The following KCNH5 variants were observed in gnomAD, a reference collection of about 807,000 sequenced individuals.
The protein encoded by KCNH5 is potassium voltage-gated channel subfamily H member 5, also known as voltage-gated delayed rectifier potassium channel KCNH5.
Under a neutral mutation model 96.1 loss-of-function variants are expected in KCNH5, and 46 were observed. The observed-to-expected ratio is 0.48, with a 90% CI of 0.38 to 0.61. KCNH5 has a LOEUF of 0.61. Among genes scored for constraint, KCNH5 ranks in the 20% least tolerant of loss-of-function variants. The pLI is 0.00. For synonymous variants in KCNH5, 439 were observed against 449.8 expected (o/e 0.98, Z 0.30); for missense variants, 907 against 1,225.8 (o/e 0.74, Z 3.88).
chr14:62,752,540 T>A (rs1023108031), intron 10 of KCNH5, among the ~76,000 whole-genome samples: 1 of 152,018 alleles, frequency 6.6e-6, no homozygotes, highest in South Asian at 2.1e-4. Context: ...TGAAGAAACC[T>A]TGGGCCTTAA....
At chr14:63,008,161 A>G (rs1891160603) in intron 2 of KCNH5, among the ~76,000 whole-genome samples, 1 of 152,156 alleles carries the variant, frequency 6.6e-6, no homozygotes, top group Non-Finnish European at 1.5e-5. Context: ...TTCAGTTTTC[A>G]AAGAGTTCAC....
At chr14:62,807,618 A>C (rs1053044635) in intron 8 of KCNH5, among the ~76,000 whole-genome samples, 15 of 152,168 alleles carry the variant, frequency 9.9e-5, no homozygotes, top group Admixed American at 4.6e-4. Context: ...TAAAGCCATT[A>C]GATTATAGAT....
chr14:62,994,778 G>A (rs368692785), intron 4 of KCNH5, among the ~76,000 whole-genome samples: 4 of 152,072 alleles, frequency 2.6e-5, no homozygotes, highest in South Asian at 2.1e-4. Flanking sequence ...TCAGTCAGAC[G>A]TTGAGCGTCA....
intron 2 of KCNH5, among the ~76,000 whole-genome samples, chr14:63,008,708 A>G (rs561421157): frequency 6.6e-6 from 1 of 152,280 alleles, no homozygotes; most frequent in South Asian, 2.1e-4. Context: ...TATCTAGACT[A>G]ACACAGGAAA....
At chr14:62,747,763 TCATTAG>T (rs1885409577) in intron 10 of KCNH5, among the ~76,000 whole-genome samples, 1 of 152,210 alleles carries the variant, frequency 6.6e-6, no homozygotes, top group South Asian at 2.1e-4. Flanking sequence ...TTAAGATGTA[TCATTAG>T]CCAAATAATT....
At chr14:63,027,546 C>G (rs1891548132) in intron 1 of KCNH5, among the ~76,000 whole-genome samples, 1 of 149,776 alleles carries the variant, frequency 6.7e-6, no homozygotes, top group African/African-American at 2.5e-5. Context: ...TTAGGGTATA[C>G]TATACCTGGC....
In KCNH5 at chr14:62,716,315, G is replaced by A. The variant is rs749873414; in HGVS notation, c.2020-7860C>T. ...TCTCCTTGCCTCAATTTTTAGTCTC[G>A]TTTTTCTTCATTCTACTCTTTGATG... On this transcript the variant is annotated intron_variant, in intron 10 of 10. Transcript: ENST00000322893. Among the ~76,000 whole-genome samples, 5 of 152,022 alleles carry A rather than the reference G, an allele frequency of 3.3e-5. No individual in the cohort carries two copies. In the East Asian group the frequency reaches 7.7e-4, roughly 23 times the overall value.
intron 7 of KCNH5, among the ~76,000 whole-genome samples, chr14:62,882,100 TAAAAAAAAAAA>T (rs143123435): frequency 0.021 from 1,596 of 76,662 alleles, 26 homozygotes; most frequent in Admixed American, 0.026. Context: ...CCCCATTTCT[TAAAAAAAAAAA>T]AAAAAAAAAA....
intron 1 of KCNH5, among the ~76,000 whole-genome samples, chr14:63,028,021 C>A (rs2139620075): frequency 6.6e-6 from 1 of 152,140 alleles, no homozygotes; most frequent in African/African-American, 2.4e-5. Context: ...TAATCAAGAC[C>A]TGTTAAATCA....
chr14:62,708,504 T>C, intron 10 of KCNH5, 49 bp from the exon 11 acceptor site: 1 of 1,192,294 alleles, frequency 8.4e-7, no homozygotes, highest in Middle Eastern at 2.5e-4. Context: ...AGCAGATGGA[T>C]TAACAGTTGT....
In KCNH5 at chr14:63,001,767, C is replaced by T. The variant is rs545003950; in HGVS notation, c.305-308G>A. ...TGCTACTTAAGCAATCCCAGCAACA[C>T]CTGTAGGTCTGGGTCCCTCAACCAC... On this transcript the variant is annotated intron_variant, in intron 3 of 10. Transcript: ENST00000322893. Among the ~76,000 whole-genome samples, 4 of 152,328 alleles carry T rather than the reference C, an allele frequency of 2.6e-5. No individual in the cohort carries two copies. The South Asian group carries it at 8.3e-4, about 32-fold the overall frequency.
chr14:62,995,043 G>T (rs1273926089), intron 4 of KCNH5, among the ~76,000 whole-genome samples: 1 of 152,040 alleles, frequency 6.6e-6, no homozygotes, highest in African/African-American at 2.4e-5. Flanking sequence ...GAAGAGGTAC[G>T]TTCAAATTAG....
At chr14:62,734,153 G>A (rs1014524856) in intron 10 of KCNH5, among the ~76,000 whole-genome samples, 18 of 151,760 alleles carry the variant, frequency 1.2e-4, no homozygotes, top group African/African-American at 2.2e-4. Context: ...TATCCTATAC[G>A]CCTCTCTCTT....
intron 10 of KCNH5, among the ~76,000 whole-genome samples, chr14:62,714,578 C>T (rs1884643704): frequency 6.6e-6 from 1 of 152,040 alleles, no homozygotes; most frequent in Non-Finnish European, 1.5e-5. Context: ...ATTTATATAG[C>T]TTAATTTTAC....
At chr14:63,007,515 CTA>C (rs1891149428) in intron 2 of KCNH5, among the ~76,000 whole-genome samples, 1 of 152,092 alleles carries the variant, frequency 6.6e-6, no homozygotes, top group African/African-American at 2.4e-5. Context: ...ATGAGTTTTA[CTA>C]TGATATCATC....
At chr14:62,919,772 T>G (rs79421912) in intron 7 of KCNH5, among the ~76,000 whole-genome samples, 2,714 of 152,194 alleles carry the variant, frequency 0.018, 38 homozygotes, top group Middle Eastern at 0.061. Context: ...CTTATTATCA[T>G]GTGTCACCTA....
chr14:62,910,922 C>CACAG (rs1889138636), intron 7 of KCNH5, among the ~76,000 whole-genome samples: 1 of 142,762 alleles, frequency 7.0e-6, no homozygotes, highest in Non-Finnish European at 1.5e-5. Context: ...CACACACACA[C>CACAG]ACACACACAC....
At chr14:63,022,454 T>C (rs1406784382) in intron 1 of KCNH5, among the ~76,000 whole-genome samples, 1 of 151,920 alleles carries the variant, frequency 6.6e-6, no homozygotes, top group African/African-American at 2.4e-5. Context: ...TTTTGTTTGT[T>C]TGTTTGTTTG....
chr14:62,760,643 C>T (rs1383929852), intron 10 of KCNH5, among the ~76,000 whole-genome samples: 1 of 152,200 alleles, frequency 6.6e-6, no homozygotes, highest in Non-Finnish European at 1.5e-5. Context: ...CAAGTACAAC[C>T]TGATTCAGAG....
Sources: gnomAD v4.1 joint callset for allele counts (sites outside exome capture counted in the v4.1 genomes callset) on GRCh38, gnomAD v4.1.1 for gene constraint, MANE v1.5 for transcripts, NCBI Gene and HGNC (gene_info 2026-07-23, HGNC 2026-07-21) for gene names.